Variants in TMEM131L observed in about 807,000 individuals in gnomAD.
TMEM131L encodes the protein transmembrane protein 131-like.
In TMEM131L, 54 loss-of-function variants were observed where a neutral mutation model predicts 192.2. That is an observed-to-expected ratio of 0.28 (90% CI 0.23 to 0.35). The LOEUF (loss-of-function observed/expected upper bound fraction) is 0.35. Among genes scored for constraint, TMEM131L ranks in the 10% least tolerant of loss-of-function variants. The pLI is 1.00. For synonymous variants in TMEM131L, 701 were observed against 704.9 expected (o/e 0.99, Z 0.09); for missense variants, 1,888 against 1,972.9 (o/e 0.96, Z 0.82).
chr4:153,585,101 G>A (rs1209117972), intron 12 of TMEM131L, among the ~76,000 whole-genome samples, 170 bp downstream of exon 12: 1 of 152,242 alleles, frequency 6.6e-6, no homozygotes, highest in Non-Finnish European at 1.5e-5. Context: ...TATTAGCTGA[G>A]TGGGGAAAAG....
At chr4:153,606,619 G>A (rs1732258904) in intron 25 of TMEM131L, among the ~76,000 whole-genome samples, 1 of 152,182 alleles carries the variant, frequency 6.6e-6, no homozygotes, top group Non-Finnish European at 1.5e-5. Flanking sequence ...TGGGAGTCTG[G>A]AAACATAGAG....
chr4:153,555,790 C>A lies in TMEM131L; in HGVS notation c.312C>A (p.Phe104Leu). Residue 104 changes from phenylalanine (F) to leucine (L), a missense_variant, in exon 5 of 35, where the codon TTC becomes TTA. Coordinates refer to ENST00000409959, the MANE Select transcript of TMEM131L (RefSeq NM_001131007.2). This position sits in a 1 kb window ranked among gnomAD's most constrained non-coding sequence, Gnocchi z 4.1. ...TTCTCTTTGTTTCTCCTCCTAGGTT[C>A]CTGGGACATCCTGTAGCAAAGATTC... ...QPSVLDFGIQ[F>L]LGHPVAKILH... 6.4e-7 allele frequency: 1 copy of A among 1,551,088 alleles called. No homozygotes were observed. Among genetic ancestry groups the A allele is most frequent in the Non-Finnish European group, 8.7e-7 (1 of 1,146,472 alleles).
chr4:153,540,031 A>G (rs780105629), intron 3 of TMEM131L, among the ~76,000 whole-genome samples: 1 of 152,012 alleles, frequency 6.6e-6, no homozygotes, highest in Non-Finnish European at 1.5e-5. Flanking sequence ...GAATTGCTTG[A>G]ACCCGGGAGG....
intron 17 of TMEM131L, among the ~76,000 whole-genome samples, chr4:153,591,912 A>G (rs1731094282): frequency 6.6e-6 from 1 of 152,170 alleles, no homozygotes; most frequent in African/African-American, 2.4e-5. Context: ...AGATTCATCA[A>G]TTTTTAATGT....
At chr4:153,478,151 G>A (rs940916661) in intron 3 of TMEM131L, among the ~76,000 whole-genome samples, 2 of 151,974 alleles carry the variant, frequency 1.3e-5, no homozygotes, top group Non-Finnish European at 2.9e-5. Context: ...CTTTTTTTGG[G>A]TTGAGGTCTG....
At chr4:153,581,115 G>A (rs1035598994) in intron 8 of TMEM131L, among the ~76,000 whole-genome samples, 6 of 152,286 alleles carry the variant, frequency 3.9e-5, no homozygotes, top group South Asian at 2.1e-4. Flanking sequence ...TTAGCCAGGC[G>A]TGCTGGCGGG....
intron 3 of TMEM131L, among the ~76,000 whole-genome samples, chr4:153,526,413 T>A (rs1735486306): frequency 6.6e-6 from 1 of 152,102 alleles, no homozygotes; most frequent in South Asian, 2.1e-4. Flanking sequence ...GATGCAGGGA[T>A]GAAGGACGCA....
rs555541261 is a variant in TMEM131L, at chr4:153,500,149, G to A, written c.239+26261G>A. ...AGGGTCTCACTCTCTTACCCAGGCT[G>A]GAGTGCAATGGTACAATCATGGCTC... On this transcript the variant is annotated intron_variant, in intron 3 of 34. Transcript: ENST00000409959. Among the ~76,000 whole-genome samples the A allele has an allele frequency of 4.2e-4, 64 of 151,878 alleles. 1 individual carries two copies. The highest frequency in any genetic ancestry group is 1.3e-3 in the African/African-American group (55 of 41,410).
intron 16 of TMEM131L, among the ~76,000 whole-genome samples, chr4:153,590,534 C>T (rs568466542): frequency 2.4e-4 from 36 of 152,114 alleles, no homozygotes; most frequent in South Asian, 1.0e-3. Context: ...ACGGTATAAA[C>T]GCCCTGTTCC....
chr4:153,590,174 A>G (rs1730971726), intron 16 of TMEM131L, among the ~76,000 whole-genome samples: 1 of 152,132 alleles, frequency 6.6e-6, no homozygotes, highest in Non-Finnish European at 1.5e-5. Flanking sequence ...TTGTTTTCTT[A>G]GTTTTCTTTA....
At position 153,591,114 on chromosome 4, in the gene TMEM131L, TTTG is replaced by T; in HGVS notation, c.1735_1737del (p.Val579del). 1 of 1,611,562 alleles carries T rather than the reference TTTG, an allele frequency of 6.2e-7. No individual in the cohort carries two copies. The highest frequency in any genetic ancestry group is 8.5e-7 in the Non-Finnish European group (1 of 1,178,430). ...GAAGAAATCCAAGGAGTCAGAGTCC[TTTG>T]TTTTCTTTTTGCCTCGTTTGATCGC... On this transcript the variant is annotated inframe_deletion, in exon 17 of 35. Coordinates refer to ENST00000409959, the MANE Select transcript of TMEM131L (RefSeq NM_001131007.2).
chr4:153,526,541 C>G (rs573473308), intron 3 of TMEM131L, among the ~76,000 whole-genome samples: 1 of 151,678 alleles, frequency 6.6e-6, no homozygotes, highest in Non-Finnish European at 1.5e-5. Context: ...GAGACCATCC[C>G]GGCTAACACG....
intron 3 of TMEM131L, among the ~76,000 whole-genome samples, chr4:153,548,222 C>T (rs1048710800): frequency 2.1e-4 from 32 of 152,236 alleles, no homozygotes; most frequent in Admixed American, 5.9e-4. Flanking sequence ...TACCTCTTCT[C>T]CGACCGTGTT....
At chr4:153,562,864 C>T (rs1166123852) in intron 7 of TMEM131L, among the ~76,000 whole-genome samples, 1 of 152,068 alleles carries the variant, frequency 6.6e-6, no homozygotes, top group Non-Finnish European at 1.5e-5. Context: ...GTTTTATGTA[C>T]GTCAGTTGAA....
At chr4:153,592,830 T>C (rs1407622554) in intron 18 of TMEM131L, among the ~76,000 whole-genome samples, 3 of 152,252 alleles carry the variant, frequency 2.0e-5, no homozygotes, top group African/African-American at 7.2e-5. Context: ...CAGATCCTTT[T>C]CTTTAGCTAG....
At chr4:153,584,048 G>A (rs1730539052) in intron 11 of TMEM131L, among the ~76,000 whole-genome samples, 1 of 152,202 alleles carries the variant, frequency 6.6e-6, no homozygotes, top group Non-Finnish European at 1.5e-5. Flanking sequence ...AGTTTTAAGA[G>A]TTTATCCTCC....
At chr4:153,602,054 C>A (rs1165234678) in intron 21 of TMEM131L, 98 bp from the exon 22 acceptor site, 18 of 704,298 alleles carry the variant, frequency 2.6e-5, no homozygotes, top group Non-Finnish European at 3.7e-5. Flanking sequence ...TAATGTAGAT[C>A]ATGGTTTGGT....
intron 15 of TMEM131L, 63 bp downstream of exon 15, chr4:153,587,874 A>G: frequency 1.8e-6 from 2 of 1,113,064 alleles, no homozygotes; most frequent in East Asian, 4.7e-5. Flanking sequence ...AATAGTGAGG[A>G]AAATTAGCAT....
intron 3 of TMEM131L, among the ~76,000 whole-genome samples, chr4:153,487,719 T>TGTGTGTGA (rs369094307): frequency 0.033 from 4,684 of 143,344 alleles, 88 homozygotes; most frequent in African/African-American, 0.039. Context: ...TGTGTGTGTG[T>TGTGTGTGA]GAGAGAGAGA....
Sources: allele counts gnomAD v4.1 joint callset (sites outside exome capture counted in the v4.1 genomes callset), GRCh38; gene constraint gnomAD v4.1.1; non-coding constraint Gnocchi (gnomAD v3.1); transcripts MANE v1.5; gene names NCBI Gene and HGNC (gene_info 2026-07-23, HGNC 2026-07-21).